The following TBC1D2 variants were observed in gnomAD, a reference collection of about 807,000 sequenced individuals.
TBC1D2 encodes the protein TBC1 domain family member 2.
Under a neutral mutation model 91.1 loss-of-function variants are expected in TBC1D2, and 58 were observed. The observed-to-expected ratio is 0.64, with a 90% CI of 0.52 to 0.79. The LOEUF (loss-of-function observed/expected upper bound fraction) is 0.79. Among genes scored for constraint, TBC1D2 ranks in the 30% least tolerant of loss-of-function variants. The pLI is 0.00. For synonymous variants in TBC1D2, 482 were observed against 511.5 expected (o/e 0.94, Z 0.78); for missense variants, 1,080 against 1,208.3 (o/e 0.89, Z 1.57).
At chr9:98,240,166 G>GGGGT (rs370015304) in intron 3 of TBC1D2, among the ~76,000 whole-genome samples, 17 of 137,856 alleles carry the variant, frequency 1.2e-4, no homozygotes, top group Middle Eastern at 3.6e-3. Flanking sequence ...GTGTTTGTGT[G>GGGGT]GTGTGTGTGT....
Position 98,199,346 on chromosome 9 carries a change from G to A in TBC1D2, c.*35C>T. 1 of 1,610,652 alleles carries A rather than the reference G, an allele frequency of 6.2e-7. No homozygotes were observed. The highest frequency in any genetic ancestry group is 1.1e-5 in the South Asian group (1 of 90,916). Reference sequence around the variant, plus strand: ...ACCTCCAGTGGGTCTGCCAGCCAAGGGTGAGGAAGGCTGTGGGGAGGGGAG... The same window carrying A: ...ACCTCCAGTGGGTCTGCCAGCCAAGAGTGAGGAAGGCTGTGGGGAGGGGAG... On this transcript the variant is annotated 3_prime_UTR_variant, in exon 13 of 13. Transcript: ENST00000465784.
intron 3 of TBC1D2, among the ~76,000 whole-genome samples, chr9:98,241,842 A>C (rs1270672279): frequency 6.6e-6 from 1 of 152,056 alleles, no homozygotes; most frequent in Admixed American, 6.5e-5. Flanking sequence ...ATACCCATCA[A>C]GCCTCTCTCT....
rs148352702 is a variant in TBC1D2, at chr9:98,246,990, C to T, written c.512-2861G>A. Among the ~76,000 whole-genome samples, 612 of 151,222 alleles carry T rather than the reference C, an allele frequency of 4.0e-3. 3 individuals are homozygous for T. The highest frequency in any genetic ancestry group is 0.014 in the African/African-American group (578 of 41,128). On this transcript the variant is annotated intron_variant, in intron 2 of 12. Coordinates refer to ENST00000465784, the MANE Select transcript of TBC1D2 (RefSeq NM_001267571.2). ...AAGATCTGTAGCTGGGCCCTGTTTC[C>T]ATGGGGAGGGTGTTGCGACCTGGTT... is the stretch of plus-strand genomic sequence containing the variant.
chr9:98,200,758 G>C (rs1030712738), intron 11 of TBC1D2, among the ~76,000 whole-genome samples: 6 of 152,204 alleles, frequency 3.9e-5, no homozygotes, highest in African/African-American at 1.2e-4. Context: ...GCTCATGCCA[G>C]TAATTCCAGC....
chr9:98,212,665 C>A (rs1036927118), intron 7 of TBC1D2, among the ~76,000 whole-genome samples: 2 of 152,164 alleles, frequency 1.3e-5, no homozygotes, highest in Non-Finnish European at 2.9e-5. Flanking sequence ...CCATGCCCGG[C>A]TAATTTTTTT....
rs1018758618 is a variant in TBC1D2 at position 98,247,794 on chromosome 9, C to CT, written c.512-3666dup. Among the ~76,000 whole-genome samples the CT allele has an allele frequency of 1.2e-4, 18 of 150,786 alleles. No homozygotes were observed. In the East Asian group the frequency reaches 3.5e-3, roughly 29 times the overall value. On this transcript the variant is annotated intron_variant, in intron 2 of 12. Coordinates refer to ENST00000465784, the MANE Select transcript of TBC1D2 (RefSeq NM_001267571.2). Reference sequence around the variant, plus strand: ...GTGGACTCACATCTTTCAAAGTAACCTTTAAGCCAGACTCTGAACTGATTC... The same window carrying CT: ...GTGGACTCACATCTTTCAAAGTAACCTTTTAAGCCAGACTCTGAACTGATTC...
chr9:98,232,188 G>A (rs1935389), intron 4 of TBC1D2, among the ~76,000 whole-genome samples: 21,884 of 151,984 alleles, frequency 0.14, 1,793 homozygotes, highest in Non-Finnish European at 0.18. Flanking sequence ...GCTTACTGCC[G>A]CACTGGCATG....
Position 98,251,854 on chromosome 9 carries a change from G to T in TBC1D2, c.442C>A (p.Pro148Thr), listed in dbSNP as rs1167821310. ...TCAGGGGTGGCAGGAGGTGCCGGCG[G>T]GCTGTTGTGGAATTCCCAGCGCTTC... Reference protein sequence around the residue: ...QMKRWEFHNSPPAPPATPDAA... With the variant: ...QMKRWEFHNSTPAPPATPDAA... Residue 148 changes from proline to threonine, a missense_variant, in exon 2 of 13, where the codon CCG (proline) becomes ACG (threonine). Pro to Thr is a conservative substitution (Grantham distance 38). Transcript: ENST00000465784. 1.2e-6 allele frequency: 2 copies of T among 1,605,648 alleles called. No individual in the cohort carries two copies. The highest frequency in any genetic ancestry group is 2.3e-5 in the East Asian group (1 of 43,924).
rs186970271 is a variant in TBC1D2 at position 98,250,402 on chromosome 9, T to A, written c.511+1383A>T. 1.2e-4 allele frequency among the ~76,000 whole-genome samples: 19 copies of A among 152,068 alleles called. No homozygotes were observed. In the East Asian group the frequency reaches 3.3e-3, roughly 26 times the overall value. ...GATGGGTTCTGGCATGGCCTCCACA[T>A]GGGGATACTGGAGAGGAGGCCACTG... On this transcript the variant is annotated intron_variant, in intron 2 of 12. Coordinates refer to ENST00000465784, the MANE Select transcript of TBC1D2 (RefSeq NM_001267571.2).
At chr9:98,220,209 C>A (rs1293187764) in intron 6 of TBC1D2, among the ~76,000 whole-genome samples, 1 of 152,190 alleles carries the variant, frequency 6.6e-6, no homozygotes, top group African/African-American at 2.4e-5. Context: ...CAGCACATGA[C>A]CCTGGGCAGG....
In TBC1D2 at chr9:98,255,455, A is replaced by G; in HGVS notation, c.87T>C (p.Pro29=). 2 of 1,598,942 alleles carry G rather than the reference A, an allele frequency of 1.3e-6. No homozygotes were observed. The highest frequency in any genetic ancestry group is 1.7e-5 in the Admixed American group (1 of 59,170). Residue 29 remains proline (P), a synonymous_variant, in exon 1 of 13, where the codon CCT becomes CCC. Transcript: ENST00000465784. Reference sequence around the variant, plus strand: ...CGCAGTCCCCCGATTCTTCCTCCGGAGGCGGCACCTGTGGATCCCTGGCAG... The same window carrying G: ...CGCAGTCCCCCGATTCTTCCTCCGGGGGCGGCACCTGTGGATCCCTGGCAG... The part of the protein sequence containing the change: ...EESARDPQVP[P]PEEESGDCAR...
chr9:98,200,808 G>C (rs1014284012), intron 11 of TBC1D2, among the ~76,000 whole-genome samples: 2 of 152,156 alleles, frequency 1.3e-5, no homozygotes, highest in African/African-American at 4.8e-5. Flanking sequence ...CTGAGGTCAG[G>C]AGTTCGAGAC....
intron 6 of TBC1D2, among the ~76,000 whole-genome samples, chr9:98,217,366 G>C (rs1320753254): frequency 6.6e-6 from 1 of 152,260 alleles, no homozygotes; most frequent in Non-Finnish European, 1.5e-5. Context: ...GGAAGGCAGT[G>C]GCCTGGGCAT....
intron 11 of TBC1D2, among the ~76,000 whole-genome samples, chr9:98,200,841 C>A (rs897828247): frequency 8.6e-5 from 13 of 151,980 alleles, no homozygotes; most frequent in African/African-American, 2.7e-4. Flanking sequence ...CATGATGAAA[C>A]CCCATCTCTA....
chr9:98,230,389 TCTC>T (rs1375693528), intron 4 of TBC1D2, among the ~76,000 whole-genome samples: 1 of 152,222 alleles, frequency 6.6e-6, no homozygotes, highest in Non-Finnish European at 1.5e-5. Context: ...CTTATCTAAA[TCTC>T]CTAACCAAAT....
In TBC1D2 at chr9:98,199,576, G is replaced by A. The variant is rs752576440; in HGVS notation, c.2592C>T (p.Asn864=). The part of the protein sequence containing the change: ...KTISNSRKLM[N]IAFNDMNPFR... ...AGGGGTTCATGTCATTGAAGGCGAT[G>A]TTCATCAGCTTCCTGGGAGGAGGGC... The change falls in exon 13 of 13, where the codon AAC becomes AAT. Residue 864 remains asparagine (N), a synonymous_variant. Transcript: ENST00000465784. The A allele has an allele frequency of 6.8e-6, 11 of 1,614,048 alleles. No individual in the cohort carries two copies. In the South Asian group the frequency reaches 1.2e-4, roughly 18 times the overall value.
chr9:98,237,442 C>A (rs778327448), intron 3 of TBC1D2, among the ~76,000 whole-genome samples: 13 of 151,460 alleles, frequency 8.6e-5, no homozygotes, highest in Non-Finnish European at 1.8e-4. Context: ...GCAACAGCAC[C>A]ACTGTCTGGA....
intron 6 of TBC1D2, among the ~76,000 whole-genome samples, chr9:98,217,882 T>A (rs1183912666): frequency 2.0e-5 from 3 of 152,002 alleles, no homozygotes; most frequent in Non-Finnish European, 4.4e-5. Flanking sequence ...CCTAGTGAAT[T>A]TATTTTATTT....
chr9:98,239,644 T>C (rs1037428227), intron 3 of TBC1D2, among the ~76,000 whole-genome samples: 2 of 152,214 alleles, frequency 1.3e-5, no homozygotes, highest in African/African-American at 2.4e-5. Context: ...TATGATGTCT[T>C]TGTTTGGTTT....
Sources: allele counts gnomAD v4.1 joint callset (sites outside exome capture counted in the v4.1 genomes callset), GRCh38; gene constraint gnomAD v4.1.1; transcripts MANE v1.5; gene names NCBI Gene and HGNC (gene_info 2026-07-23, HGNC 2026-07-21).